The following DLGAP4 variants were observed in gnomAD, a reference collection of about 807,000 sequenced individuals.
The protein encoded by DLGAP4 is DLG associated protein 4.
DLGAP4 carries 18 observed loss-of-function variants against 86.9 expected under a neutral mutation model. That is an observed-to-expected ratio of 0.21 (90% CI 0.14 to 0.31). DLGAP4 has a LOEUF of 0.31. Among genes scored for constraint, DLGAP4 ranks in the 10% least tolerant of loss-of-function variants. The pLI is 1.00. For synonymous variants in DLGAP4, 548 were observed against 574.3 expected, an observed-to-expected ratio of 0.95 and a Z score of 0.65; for missense variants, 1,085 against 1,362.6, an observed-to-expected ratio of 0.80 and a Z score of 3.21.
At chr20:36,386,329 G>A (rs1459555197) in intron 2 of DLGAP4, among the ~76,000 whole-genome samples, 1 of 151,928 alleles carries the variant, frequency 6.6e-6, no homozygotes, top group Non-Finnish European at 1.5e-5. Context: ...TTCAGCACCT[G>A]TCAGCACAGA....
At chr20:36,502,500 G>A (rs1037788832) in intron 10 of DLGAP4, among the ~76,000 whole-genome samples, 17 of 152,046 alleles carry the variant, frequency 1.1e-4, no homozygotes, top group African/African-American at 4.1e-4. Context: ...ACCACAGAGT[G>A]CCACCATGCC....
chr20:36,461,602 C>T (rs2034054973), intron 7 of DLGAP4: 1 of 955,634 alleles, frequency 1.0e-6, no homozygotes, highest in Non-Finnish European at 1.2e-6. Flanking sequence ...CCCGGACGCC[C>T]GGGGCCCGCC....
chr20:36,391,117 G>A (rs1229555292), intron 2 of DLGAP4, among the ~76,000 whole-genome samples: 2 of 152,052 alleles, frequency 1.3e-5, no homozygotes, highest in Non-Finnish European at 2.9e-5. Flanking sequence ...CCCCATTTAG[G>A]CCAGTGACTC....
chr20:36,507,168 T>A (rs1197402015), intron 10 of DLGAP4, among the ~76,000 whole-genome samples: 1 of 152,218 alleles, frequency 6.6e-6, no homozygotes, highest in African/African-American at 2.4e-5. Flanking sequence ...TCTGATTAAA[T>A]TCTGTACATC....
At chr20:36,313,210 G>A (rs1291372193) in intron 1 of DLGAP4, among the ~76,000 whole-genome samples, 8 of 152,108 alleles carry the variant, frequency 5.3e-5, no homozygotes, top group Non-Finnish European at 1.2e-4. Flanking sequence ...CGCAGCACCC[G>A]AGGACTCTGG....
At chr20:36,354,842 T>G (rs2030273242) in intron 1 of DLGAP4, among the ~76,000 whole-genome samples, 1 of 151,890 alleles carries the variant, frequency 6.6e-6, no homozygotes, top group African/African-American at 2.4e-5. Flanking sequence ...CTCAGGAGGC[T>G]GAGGTGAGAG....
chr20:36,509,917 C>T (rs1281460003), intron 10 of DLGAP4, among the ~76,000 whole-genome samples: 1 of 151,484 alleles, frequency 6.6e-6, no homozygotes, highest in African/African-American at 2.4e-5. Context: ...AGTGCAATAG[C>T]GTGATCTCAG....
rs149670429 is a variant in DLGAP4 at position 36,500,586 on chromosome 20, C to G, written c.2487C>G (p.Thr829=). Residue 829 remains threonine, a synonymous_variant, in exon 10 of 13, where the codon ACC becomes ACG. Transcript: ENST00000339266. This position sits in a 1 kb window ranked among gnomAD's most constrained non-coding sequence, Gnocchi z 4.6. ...EGWCCQMDKE[T]KENNLSEEVL... ...GGTGCTGCCAGATGGACAAGGAGACCAAAGAGAACAACCTCTCTGAAGAAG... is the reference window on the plus strand; with the variant it reads ...GGTGCTGCCAGATGGACAAGGAGACGAAAGAGAACAACCTCTCTGAAGAAG... 91 of 1,508,694 alleles carry G rather than the reference C, an allele frequency of 6.0e-5. No individual in the cohort carries two copies. In the African/African-American group the frequency reaches 1.1e-3, roughly 18 times the overall value. 93.5% of individuals were successfully genotyped at this position (1,508,694 alleles called of 1,614,324 possible).
intron 2 of DLGAP4, among the ~76,000 whole-genome samples, chr20:36,409,510 G>A (rs1329165922): frequency 2.7e-5 from 4 of 149,542 alleles, no homozygotes; most frequent in Non-Finnish European, 5.9e-5. Flanking sequence ...GATCACCCAA[G>A]GTCAGGAGTT....
rs1246375675 is a variant in DLGAP4 at position 36,348,690 on chromosome 20, T to A, written c.-303-18355T>A. 5.3e-5 allele frequency among the ~76,000 whole-genome samples: 8 copies of A among 152,056 alleles called. 1 individual carries two copies. The highest frequency in any genetic ancestry group is 2.1e-4 in the South Asian group (1 of 4,826). On this transcript the variant is annotated intron_variant, in intron 1 of 12. Coordinates refer to ENST00000339266, the MANE Select transcript of DLGAP4 (RefSeq NM_001365621.2). ...CTTCGGCCTCCCAAAGTGCTGGGAT[T>A]ACAGGTGTGACCCACTGCTCCCGGC...
intron 7 of DLGAP4, among the ~76,000 whole-genome samples, chr20:36,490,380 C>T (rs975348034): frequency 1.3e-5 from 2 of 152,120 alleles, no homozygotes; most frequent in Non-Finnish European, 2.9e-5. Flanking sequence ...GGGTGGGAGT[C>T]TTTGAGCTGT....
At chr20:36,387,976 A>C (rs1349272350) in intron 2 of DLGAP4, among the ~76,000 whole-genome samples, 1 of 152,180 alleles carries the variant, frequency 6.6e-6, no homozygotes, top group Non-Finnish European at 1.5e-5. Flanking sequence ...TGTCCTGCTC[A>C]TTATAAGTTC....
intron 6 of DLGAP4, among the ~76,000 whole-genome samples, chr20:36,445,260 C>G (rs1317256711): frequency 6.6e-6 from 1 of 152,120 alleles, no homozygotes; most frequent in East Asian, 1.9e-4. Flanking sequence ...AATCCCAGCA[C>G]TTTGGGAGGC....
At position 36,375,250 on chromosome 20, in the gene DLGAP4, T is replaced by C. The variant is rs77996237; in HGVS notation, c.-73+7975T>C. ...CTTCATCTGCTTGGGTTTGGGCAGCTTTTTTCTGGAAACTCCAGTCATTGC... is the reference window on the plus strand; with the variant it reads ...CTTCATCTGCTTGGGTTTGGGCAGCCTTTTTCTGGAAACTCCAGTCATTGC... On this transcript the variant is annotated intron_variant, in intron 2 of 12. Transcript: ENST00000339266. Among the ~76,000 whole-genome samples the C allele has an allele frequency of 4.4e-4, 67 of 152,254 alleles. 1 individual carries two copies. The East Asian group carries it at 0.012, about 26-fold the overall frequency.
chr20:36,489,456 C>T (rs1343588669), intron 7 of DLGAP4, among the ~76,000 whole-genome samples: 1 of 152,176 alleles, frequency 6.6e-6, no homozygotes, highest in Admixed American at 6.5e-5. Flanking sequence ...AGCCTGACAC[C>T]TTTTTAACTT....
At chr20:36,322,520 G>A (rs2065178835) in intron 1 of DLGAP4, among the ~76,000 whole-genome samples, 2 of 152,192 alleles carry the variant, frequency 1.3e-5, no homozygotes, top group Non-Finnish European at 2.9e-5. Context: ...GGGCAGTGAT[G>A]GTCCCTGCCT....
At chr20:36,444,537 A>G (rs1266047287) in intron 6 of DLGAP4, among the ~76,000 whole-genome samples, 8 of 152,102 alleles carry the variant, frequency 5.3e-5, no homozygotes, top group Admixed American at 5.2e-4. Flanking sequence ...CAGCCCCCTC[A>G]AAGTGCTGGG....
chr20:36,380,358 TGAGATCACA>T (rs1372271740), intron 2 of DLGAP4, among the ~76,000 whole-genome samples: 1 of 151,756 alleles, frequency 6.6e-6, no homozygotes, highest in Non-Finnish European at 1.5e-5. Flanking sequence ...TGCAGTGAGC[TGAGATCACA>T]CCACTGCATC....
chr20:36,366,040 T>C (rs554913742), intron 1 of DLGAP4, among the ~76,000 whole-genome samples: 1 of 152,310 alleles, frequency 6.6e-6, no homozygotes, highest in Admixed American at 6.5e-5. Context: ...GCCAAAAGGC[T>C]TCTGGGAGGG....
Sources: gnomAD v4.1 joint callset for allele counts (sites outside exome capture counted in the v4.1 genomes callset) on GRCh38, gnomAD v4.1.1 for gene constraint, Gnocchi (gnomAD v3.1) non-coding constraint, MANE v1.5 for transcripts, NCBI Gene and HGNC (gene_info 2026-07-23, HGNC 2026-07-21) for gene names.